Variants in KIF11 observed in about 807,000 individuals in gnomAD.
KIF11 encodes the protein kinesin-like protein KIF11.
In KIF11, 9 loss-of-function variants were observed where a neutral mutation model predicts 121.0. That is an observed-to-expected ratio of 0.07 (90% CI 0.04 to 0.13). The LOEUF (loss-of-function observed/expected upper bound fraction) is 0.13, where lower values mean the gene tolerates loss of function less well. Ranked by LOEUF, KIF11 falls within the 10% of genes least tolerant of loss-of-function variation. The probability of loss-of-function intolerance (pLI) is 1.00; values close to 1 mark genes in which losing one functional copy is unlikely to be tolerated. For synonymous variants in KIF11, 408 were observed against 421.0 expected (o/e 0.97, Z 0.38); for missense variants, 846 against 1,217.5 (o/e 0.69, Z 4.54).
At chr10:92,652,341 T>C (rs1844996449) in intron 21 of KIF11, among the ~76,000 whole-genome samples, 1 of 152,130 alleles carries the variant, frequency 6.6e-6, no homozygotes, top group African/African-American at 2.4e-5. Context: ...GGTTTCTCCA[T>C]GTTGGTCAGG....
chr10:92,614,637 A>G (rs1844534041), intron 8 of KIF11, among the ~76,000 whole-genome samples: 1 of 152,158 alleles, frequency 6.6e-6, no homozygotes, highest in Non-Finnish European at 1.5e-5. Flanking sequence ...AATGCTCGCT[A>G]GTGTGGTAGA....
chr10:92,608,066 CA>C (rs201815192), intron 4 of KIF11, among the ~76,000 whole-genome samples: 21,453 of 112,494 alleles, frequency 0.19, 3,323 homozygotes, highest in African/African-American at 0.45. Flanking sequence ...GACTCTGTCT[CA>C]AAAAAAAACA....
At chr10:92,608,848 C>T (rs1844460311) in intron 4 of KIF11, among the ~76,000 whole-genome samples, 172 bp from the exon 5 acceptor site, 1 of 152,114 alleles carries the variant, frequency 6.6e-6, no homozygotes. Flanking sequence ...TACTGTAGAA[C>T]AGACTGTTGT....
At chr10:92,616,712 A>C in intron 8 of KIF11, 25 bp from the exon 9 acceptor site, 1 of 1,206,292 alleles carries the variant, frequency 8.3e-7, no homozygotes, top group Non-Finnish European at 1.2e-6. Context: ...TATCTTCAGT[A>C]ATTGACCTTT....
In KIF11 at chr10:92,606,295, C is replaced by T. The variant is rs199698837; in HGVS notation, c.108C>T (p.Ser36=). The part of the protein sequence containing the change: ...RPFNLAERKA[S]AHSIVECDPV... The stretch of plus-strand genomic sequence containing the variant: ...TTAATTTGGCAGAGCGGAAAGCTAG[C>T]GCCCATTCAATAGTAGAATGTGATC... Residue 36 remains serine (S), a synonymous_variant, in exon 2 of 22, where the codon AGC becomes AGT. Transcript: ENST00000260731. The T allele has an allele frequency of 3.7e-6, 6 of 1,604,044 alleles. No individual in the cohort carries two copies. The highest frequency in any genetic ancestry group is 1.8e-5 in the Admixed American group (1 of 56,580).
At chr10:92,628,987 AT>A (rs747365969) in intron 11 of KIF11, 92 bp downstream of exon 11, 107,374 of 561,910 alleles carry the variant, frequency 0.19, no homozygotes, top group South Asian at 0.28. Flanking sequence ...TTCCTTCAAG[AT>A]TTTTTTTTTT....
intron 10 of KIF11, among the ~76,000 whole-genome samples, chr10:92,626,781 A>C (rs980008504): frequency 6.6e-6 from 1 of 151,962 alleles, no homozygotes; most frequent in Non-Finnish European, 1.5e-5. Context: ...TATTTTTGAG[A>C]CAGAGTCTCA....
At chr10:92,607,046 G>A (rs775164510) in intron 3 of KIF11, 113 bp from the exon 4 acceptor site, 3 of 673,156 alleles carry the variant, frequency 4.5e-6, no homozygotes, top group Non-Finnish European at 7.8e-6. Context: ...CAAAGTGTTG[G>A]GATTATAGGC....
Position 92,633,790 on chromosome 10 carries a change from T to C in KIF11, c.1870T>C (p.Leu624=), listed in dbSNP as rs948433580. ...AGAAAGTAAAACTGTACTACAGGAA[T>C]TGATTGTTAGTACATCCTTTAAAAT... ...AAESKTVLQE[L]INVLKTDLLS... is the part of the protein sequence containing the mutation. Residue 624 remains leucine, a synonymous_variant, in exon 14 of 22, where the codon TTG becomes CTG. Coordinates refer to ENST00000260731, the MANE Select transcript of KIF11 (RefSeq NM_004523.4). The C allele has an allele frequency of 1.9e-6, 3 of 1,565,650 alleles. No individual in the cohort carries two copies. The African/African-American group carries it at 4.1e-5, about 21-fold the overall frequency.
chr10:92,597,118 C>A, intron 1 of KIF11: 1 of 294,754 alleles, frequency 3.4e-6, no homozygotes. Context: ...AGGGTTTCTT[C>A]TGCTTTGGCC....
intron 8 of KIF11, among the ~76,000 whole-genome samples, chr10:92,616,216 T>A (rs1844556151): frequency 7.0e-6 from 1 of 143,224 alleles, no homozygotes; most frequent in Admixed American, 7.0e-5. Context: ...TGTTTTTTTG[T>A]TTTTTTTTTT....
chr10:92,613,347 C>T lies in KIF11; in HGVS notation c.790-30C>T, dbSNP rs999229673. ...TCTTTGAATCCAAATCCAATAGACT[C>T]ACTTTTTATTTTTATTTTTAAAATT... On this transcript the variant is annotated intron_variant, in intron 7 of 21. Transcript: ENST00000260731. This position sits in a 1 kb window ranked among gnomAD's most constrained non-coding sequence, Gnocchi z 4.2. The T allele has an allele frequency of 6.7e-7, 1 of 1,485,508 alleles. No homozygotes were observed. The highest frequency in any genetic ancestry group is 9.1e-7 in the Non-Finnish European group (1 of 1,095,452). 92.0% of individuals were successfully genotyped at this position (1,485,508 alleles called of 1,614,324 possible).
chr10:92,630,149 C>T, intron 11 of KIF11, 27 bp from the exon 12 acceptor site: 1 of 1,184,136 alleles, frequency 8.4e-7, no homozygotes, highest in Non-Finnish European at 1.2e-6. Context: ...CCAGCCAGCT[C>T]AGCGTTTTTT....
chr10:92,626,898 T>C (rs951607925), intron 10 of KIF11, among the ~76,000 whole-genome samples: 11 of 152,068 alleles, frequency 7.2e-5, no homozygotes, highest in Admixed American at 1.3e-4. Context: ...TAGCTGGGAC[T>C]ACAGGTGCCC....
chr10:92,600,512 AT>A (rs910065637), intron 1 of KIF11, among the ~76,000 whole-genome samples: 101 of 149,394 alleles, frequency 6.8e-4, no homozygotes, highest in African/African-American at 2.2e-3. Context: ...TTTCTTTTCT[AT>A]TTTTTTTTCT....
Position 92,630,270 on chromosome 10 carries a change from A to T in KIF11, c.1400A>T (p.His467Leu). 6.2e-7 allele frequency: 1 copy of T among 1,610,654 alleles called. No homozygotes were observed. The highest frequency in any genetic ancestry group is 8.5e-7 in the Non-Finnish European group (1 of 1,177,810). ...CAAGAACTTGAAACCACTCAAAAAC[A>T]TTTGCAAGAAACTAAATTACAACTT... ...KTQELETTQK[H>L]LQETKLQLVK... Residue 467 changes from histidine to leucine, a missense_variant, in exon 12 of 22, where the codon CAT (histidine) becomes CTT (leucine). This residue lies in a region of KIF11 where 95 missense variants were observed against 109.3 expected (regional missense o/e 0.87). Coordinates refer to ENST00000260731, the MANE Select transcript of KIF11 (RefSeq NM_004523.4).
At position 92,609,099 on chromosome 10, in the gene KIF11, T is replaced by C. The variant is rs1413077025; in HGVS notation, c.467T>C (p.Val156Ala). 6.2e-7 allele frequency: 1 copy of C among 1,607,062 alleles called. No individual in the cohort carries two copies. Among genetic ancestry groups the C allele is most frequent in the South Asian group, 1.1e-5 (1 of 90,306 alleles). The change falls in exon 5 of 22, where the codon GTC becomes GCC. Residue 156 changes from valine (V) to alanine (A), a missense_variant. Around this residue, in one of 5 missense-constraint regions of KIF11, gnomAD observed 140 missense variants for 193.5 expected, o/e 0.72. Transcript: ENST00000260731. Reference sequence around the variant, plus strand: ...ACTGATAATGGTACTGAATTTTCAGTCAAAGTGTCTCTGTTGGAGATCTAT... The same window carrying C: ...ACTGATAATGGTACTGAATTTTCAGCCAAAGTGTCTCTGTTGGAGATCTAT... ...KLTDNGTEFS[V>A]KVSLLEIYNE...
Position 92,629,774 on chromosome 10 carries a change from G to A in KIF11, c.1306-402G>A, listed in dbSNP as rs116892801. On this transcript the variant is annotated intron_variant, in intron 11 of 21. Coordinates refer to ENST00000260731, the MANE Select transcript of KIF11 (RefSeq NM_004523.4). ...ACTTCAGGCATGCACTACCATGCCC[G>A]GCTAATTATTTTATTTTTTTGTAGA... Among the ~76,000 whole-genome samples the A allele has an allele frequency of 1.3e-3, 195 of 152,036 alleles. 2 individuals are homozygous for A. Among genetic ancestry groups the A allele is most frequent in the African/African-American group, 4.3e-3 (177 of 41,476 alleles).
intron 10 of KIF11, among the ~76,000 whole-genome samples, chr10:92,627,993 G>A (rs1198254558): frequency 6.6e-6 from 1 of 152,176 alleles, no homozygotes; most frequent in Non-Finnish European, 1.5e-5. Context: ...TAGTGAAAGT[G>A]AACCTGGAAA....
Sources: allele counts gnomAD v4.1 joint callset (sites outside exome capture counted in the v4.1 genomes callset), GRCh38; gene constraint gnomAD v4.1.1; regional missense constraint gnomAD v4.1.1; non-coding constraint Gnocchi (gnomAD v3.1); transcripts MANE v1.5; gene names NCBI Gene and HGNC (gene_info 2026-07-23, HGNC 2026-07-21).